The following PCDH15 variants were observed in gnomAD, a reference collection of about 807,000 sequenced individuals.
PCDH15 encodes protocadherin related 15.
In PCDH15, 129 loss-of-function variants were observed where a neutral mutation model predicts 178.5. The observed-to-expected ratio is 0.72, with a 90% CI of 0.63 to 0.84. The LOEUF is 0.84. Among genes scored for constraint, PCDH15 ranks in the 40% least tolerant of loss-of-function variants. The pLI is 0.00. For missense variants in PCDH15, 2,230 were observed against 2,099.9 expected (o/e 1.06, Z -1.21); for synonymous variants, 800 against 732.0 (o/e 1.09, Z -1.50).
At chr10:55,423,905 G>A (rs1413663) in intron 2 of PCDH15, among the ~76,000 whole-genome samples, 30,312 of 152,006 alleles carry the variant, frequency 0.2, 3,995 homozygotes, top group Non-Finnish European at 0.29. Flanking sequence ...AGCTTTAAGA[G>A]GGTATAAGCA....
chr10:55,470,404 T>G (rs1839931374), intron 2 of PCDH15, among the ~76,000 whole-genome samples: 1 of 152,284 alleles, frequency 6.6e-6, no homozygotes, highest in African/African-American at 2.4e-5. Context: ...AATAGTTCAT[T>G]ATTAGCTTGA....
At chr10:54,723,621 G>A (rs910427336) in intron 1 of PCDH15, among the ~76,000 whole-genome samples, 4 of 151,666 alleles carry the variant, frequency 2.6e-5, no homozygotes, top group Admixed American at 1.3e-4. Flanking sequence ...CCTAAACAAT[G>A]GGAGAAAATA....
chr10:54,363,785 A>G (rs950910855), intron 5 of PCDH15, among the ~76,000 whole-genome samples: 2 of 152,218 alleles, frequency 1.3e-5, no homozygotes, highest in African/African-American at 2.4e-5. Context: ...TTTTCTTTCA[A>G]TTCAAAGTGT....
intron 3 of PCDH15, among the ~76,000 whole-genome samples, chr10:54,859,347 C>A (rs1420059647): frequency 2.6e-5 from 4 of 152,158 alleles, no homozygotes; most frequent in African/African-American, 9.6e-5. Flanking sequence ...ATTTTTATAT[C>A]TTCTTTTTCC....
chr10:55,165,777 T>C (rs532244192), intron 2 of PCDH15, among the ~76,000 whole-genome samples: 26 of 152,146 alleles, frequency 1.7e-4, no homozygotes, highest in African/African-American at 5.8e-4. Context: ...ATTACAGTTA[T>C]ATATTTCTTC....
chr10:54,003,736 C>CAAAAAAAAAAAAAAAAA (rs55871741), intron 20 of PCDH15, among the ~76,000 whole-genome samples: 1 of 76,208 alleles, frequency 1.3e-5, no homozygotes. Flanking sequence ...CAAACTATTC[C>CAAAAAAAAAAAAAAAAA]AAAAAAAAAA....
At chr10:55,530,568 A>G (rs543215064) in intron 2 of PCDH15, among the ~76,000 whole-genome samples, 17 of 151,918 alleles carry the variant, frequency 1.1e-4, no homozygotes, top group Non-Finnish European at 2.2e-4. Flanking sequence ...TCTTTTTTAC[A>G]TTGTTATAAT....
chr10:54,399,432 A>T, intron 3 of PCDH15, among the ~76,000 whole-genome samples: 1 of 152,108 alleles, frequency 6.6e-6, no homozygotes, highest in Non-Finnish European at 1.5e-5. Context: ...TTTCTCCATA[A>T]GCTTGATGAC....
chr10:54,234,130 T>TTGTGTGTGTGTGTG lies in PCDH15; in HGVS notation c.985+2692_985+2693insCACACACACACACA, dbSNP rs1491388308. On this transcript the variant is annotated intron_variant, in intron 9 of 37. Transcript: ENST00000644397. ...TGAAGTCAGAGTCATGGATATCCCC[T>TTGTGTGTGTGTGTG]TCTGTGTGTGTGTGTGTGTGTGTGT... 1.4e-3 allele frequency among the ~76,000 whole-genome samples: 144 copies of TTGTGTGTGTGTGTG among 103,198 alleles called. 1 individual carries two copies. The highest frequency in any genetic ancestry group is 4.8e-3 in the African/African-American group (120 of 24,994). 67.7% of individuals were successfully genotyped at this position (103,198 alleles called of 152,430 possible).
intron 1 of PCDH15, among the ~76,000 whole-genome samples, chr10:55,250,022 T>C (rs1841792987): frequency 6.6e-6 from 1 of 152,194 alleles, no homozygotes; most frequent in Admixed American, 6.5e-5. Context: ...GATATATAGA[T>C]AGTTTGTAAT....
intron 2 of PCDH15, among the ~76,000 whole-genome samples, chr10:55,024,367 G>A (rs1027508957): frequency 1.4e-5 from 2 of 147,474 alleles, no homozygotes; most frequent in South Asian, 2.1e-4. Context: ...ATATTTATAT[G>A]AGTGTGTGTG....
intron 2 of PCDH15, among the ~76,000 whole-genome samples, chr10:55,488,199 C>A (rs1840339601): frequency 6.6e-6 from 1 of 151,560 alleles, no homozygotes; most frequent in Admixed American, 6.6e-5. Context: ...TCTTTAAAGT[C>A]CACAATTTAA....
chr10:54,768,112 G>A (rs868754564), intron 1 of PCDH15, among the ~76,000 whole-genome samples: 23 of 152,094 alleles, frequency 1.5e-4, no homozygotes, highest in African/African-American at 5.5e-4. Flanking sequence ...CTATTAAAAT[G>A]TCTATTAATA....
chr10:55,137,633 G>A (rs1390948875), intron 2 of PCDH15, among the ~76,000 whole-genome samples: 1 of 151,786 alleles, frequency 6.6e-6, no homozygotes, highest in African/African-American at 2.4e-5. Context: ...TTAATTAGTT[G>A]AAACAGGTCA....
At chr10:55,024,342 A>G (rs1840422197) in intron 2 of PCDH15, among the ~76,000 whole-genome samples, 1 of 147,824 alleles carries the variant, frequency 6.8e-6, no homozygotes, top group Non-Finnish European at 1.5e-5. Context: ...CATATATAGG[A>G]AGAAATATAT....
chr10:53,930,573 T>C (rs1041396510), intron 25 of PCDH15, among the ~76,000 whole-genome samples: 6 of 151,746 alleles, frequency 4.0e-5, no homozygotes, highest in Non-Finnish European at 5.9e-5. Flanking sequence ...AACACAGAGA[T>C]TGGCTCTTCT....
chr10:54,236,326 T>C (rs1443264455), intron 9 of PCDH15, among the ~76,000 whole-genome samples: 1 of 152,108 alleles, frequency 6.6e-6, no homozygotes, highest in African/African-American at 2.4e-5. Context: ...TCAAGAAAAA[T>C]ATTTACCAAA....
intron 18 of PCDH15, among the ~76,000 whole-genome samples, chr10:54,033,647 A>G (rs959416916): frequency 6.6e-6 from 1 of 151,960 alleles, no homozygotes; most frequent in Admixed American, 6.6e-5. Context: ...GAAAAATACC[A>G]TCTCCATGAA....
intron 2 of PCDH15, among the ~76,000 whole-genome samples, chr10:54,657,574 A>G (rs1590878634): frequency 3.9e-5 from 6 of 152,340 alleles, no homozygotes; most frequent in Admixed American, 3.3e-4. Flanking sequence ...AACAGGCAAC[A>G]TTCAAGAAAA....
Sources: allele counts gnomAD v4.1 joint callset (sites outside exome capture counted in the v4.1 genomes callset), GRCh38; gene constraint gnomAD v4.1.1; transcripts MANE v1.5; gene names NCBI Gene and HGNC (gene_info 2026-07-23, HGNC 2026-07-21).